Variants in PRKCH observed in about 807,000 individuals in gnomAD.
PRKCH encodes protein kinase C eta.
A neutral mutation model predicts 82.5 loss-of-function variants in PRKCH; 28 were observed. The ratio of observed to expected loss-of-function variants is 0.34; its 90% confidence interval spans 0.25 to 0.47. The LOEUF is 0.47. PRKCH is among the 20% of genes least tolerant of loss of function. PRKCH has a pLI of 1.00. For missense variants in PRKCH, 705 were observed against 881.8 expected (o/e 0.80, Z 2.54); for synonymous variants, 322 against 327.4 (o/e 0.98, Z 0.18).
Position 61,391,647 on chromosome 14 carries a change from A to C in PRKCH, c.427+359A>C, listed in dbSNP as rs147367736. Among the ~76,000 whole-genome samples, 7 of 152,270 alleles carry C rather than the reference A, an allele frequency of 4.6e-5. No individual in the cohort carries two copies. In the East Asian group the frequency reaches 1.3e-3, roughly 29 times the overall value. ...TTAGTTTGCCTGTGAATGTCTATGA[A>C]AGAAATTTAGGGATCCAGTTATCTT... is the stretch of plus-strand genomic sequence containing the variant. On this transcript the variant is annotated intron_variant, in intron 2 of 13. Coordinates refer to ENST00000332981, the MANE Select transcript of PRKCH (RefSeq NM_006255.5).
chr14:61,380,692 T>G (rs1218767132), intron 1 of PRKCH, among the ~76,000 whole-genome samples: 3 of 152,234 alleles, frequency 2.0e-5, no homozygotes, highest in Non-Finnish European at 4.4e-5. Context: ...ATCCTTCATT[T>G]AATTTACATT....
At chr14:61,281,051 T>A (rs754924159) in intron 1 of PRKCH, 2 of 1,524,822 alleles carry the variant, frequency 1.3e-6, no homozygotes, top group South Asian at 2.5e-5. Context: ...AGCGCGATGC[T>A]GGCCGACAGC....
chr14:61,459,724 T>G (rs2140298413), intron 9 of PRKCH, among the ~76,000 whole-genome samples: 1 of 152,362 alleles, frequency 6.6e-6, no homozygotes, highest in East Asian at 1.9e-4. Flanking sequence ...GTTTTATTTA[T>G]AGCCTTTGAG....
chr14:61,449,437 A>G (rs1884383614), intron 5 of PRKCH, among the ~76,000 whole-genome samples, 185 bp downstream of exon 5: 1 of 151,810 alleles, frequency 6.6e-6, no homozygotes, highest in Admixed American at 6.6e-5. Context: ...GTATTAGAAT[A>G]GAAATGTCTC....
upstream of PRKCH, among the ~76,000 whole-genome samples, chr14:61,319,467 AGGTACTGATAG>A (rs1370478666): frequency 5.3e-5 from 8 of 152,150 alleles, no homozygotes; most frequent in African/African-American, 1.9e-4. Context: ...CAATCCTGAT[AGGTACTGATAG>A]GGTGAAGATG....
intron 6 of PRKCH, 89 bp downstream of exon 6, chr14:61,451,060 A>G: frequency 7.0e-7 from 1 of 1,432,886 alleles, no homozygotes; most frequent in Non-Finnish European, 9.4e-7. Context: ...AATCTGTCCT[A>G]GAACTGATGG....
intron 1 of PRKCH, among the ~76,000 whole-genome samples, chr14:61,352,190 C>T (rs894163807): frequency 6.6e-6 from 1 of 152,174 alleles, no homozygotes; most frequent in Non-Finnish European, 1.5e-5. Flanking sequence ...GTCTTTTCCA[C>T]CTCTGAATTC....
intron 2 of PRKCH, among the ~76,000 whole-genome samples, chr14:61,432,369 C>T (rs759770170): frequency 4.6e-5 from 7 of 152,164 alleles, no homozygotes; most frequent in Admixed American, 2.0e-4. Context: ...AACCTTCCCT[C>T]GAACATTTCC....
At chr14:61,307,601 T>C (rs920872180) in intron 1 of PRKCH, among the ~76,000 whole-genome samples, 2 of 152,198 alleles carry the variant, frequency 1.3e-5, no homozygotes, top group African/African-American at 4.8e-5. Flanking sequence ...ATCTGTAAAA[T>C]AAAGGTTTGG....
At chr14:61,507,968 A>G (rs1194185994) in intron 10 of PRKCH, among the ~76,000 whole-genome samples, 1 of 152,046 alleles carries the variant, frequency 6.6e-6, no homozygotes, top group Non-Finnish European at 1.5e-5. Context: ...GCAGGAGGAA[A>G]CCTTTGAAGA....
chr14:61,415,776 C>T (rs550048251), intron 2 of PRKCH, among the ~76,000 whole-genome samples: 3 of 152,280 alleles, frequency 2.0e-5, no homozygotes, highest in East Asian at 3.9e-4. Context: ...CACCACCATC[C>T]ATCTCCAGAA....
intron 9 of PRKCH, among the ~76,000 whole-genome samples, chr14:61,475,442 G>T (rs978098398): frequency 3.9e-5 from 6 of 152,224 alleles, no homozygotes; most frequent in Non-Finnish European, 8.8e-5. Context: ...GTGCTCTAAA[G>T]GTTAGTGATG....
intron 1 of PRKCH, among the ~76,000 whole-genome samples, chr14:61,308,380 T>G (rs1169085466): frequency 6.6e-6 from 1 of 152,216 alleles, no homozygotes; most frequent in Non-Finnish European, 1.5e-5. Flanking sequence ...ATTTCAGTTG[T>G]TCGGACTCTT....
At chr14:61,516,925 G>A (rs1417351109) in intron 10 of PRKCH, among the ~76,000 whole-genome samples, 1 of 152,110 alleles carries the variant, frequency 6.6e-6, no homozygotes, top group Non-Finnish European at 1.5e-5. Flanking sequence ...AAAATGTGAG[G>A]TATGTTTTTA....
At chr14:61,423,120 A>T (rs1298827049) in intron 2 of PRKCH, among the ~76,000 whole-genome samples, 1 of 152,134 alleles carries the variant, frequency 6.6e-6, no homozygotes, top group Non-Finnish European at 1.5e-5. Flanking sequence ...TCACAGCATC[A>T]CTCTTACACC....
At chr14:61,237,861 G>A (rs1038981965) in intron 1 of PRKCH, among the ~76,000 whole-genome samples, 7 of 152,214 alleles carry the variant, frequency 4.6e-5, no homozygotes, top group African/African-American at 9.7e-5. Flanking sequence ...CCTGAAGCAT[G>A]TCCTTAACCT....
chr14:61,281,473 G>A (rs188324807), intron 1 of PRKCH: 1 of 209,820 alleles, frequency 4.8e-6, no homozygotes, highest in Non-Finnish European at 1.0e-5. Flanking sequence ...TCAGTCTCGC[G>A]TTTCCTCTCA....
intron 10 of PRKCH, among the ~76,000 whole-genome samples, chr14:61,488,763 C>T (rs1886334260): frequency 6.6e-6 from 1 of 152,208 alleles, no homozygotes; most frequent in African/African-American, 2.4e-5. Flanking sequence ...CTACTTGTCT[C>T]ATTTGTCTCA....
intron 1 of PRKCH, among the ~76,000 whole-genome samples, chr14:61,313,647 T>A (rs1375210118): frequency 2.6e-5 from 4 of 152,116 alleles, no homozygotes; most frequent in Non-Finnish European, 5.9e-5. Flanking sequence ...TTAATTGGAC[T>A]CATAGTTCCA....
Sources: gnomAD v4.1 joint callset for allele counts (sites outside exome capture counted in the v4.1 genomes callset) on GRCh38, gnomAD v4.1.1 for gene constraint, MANE v1.5 for transcripts, NCBI Gene and HGNC (gene_info 2026-07-23, HGNC 2026-07-21) for gene names.